The following MPP4 variants were observed in gnomAD, a reference collection of about 807,000 sequenced individuals.
The protein encoded by MPP4 is MAGUK p55 scaffold protein 4, also known as MAGUK p55 subfamily member 4.
A neutral mutation model predicts 98.3 loss-of-function variants in MPP4; 91 were observed. That is an observed-to-expected ratio of 0.93 (90% CI 0.78 to 1.10). The LOEUF (loss-of-function observed/expected upper bound fraction) is 1.10, where lower values mean the gene tolerates loss of function less well. MPP4 is among the 50% of genes least tolerant of loss of function. MPP4 has a pLI of 0.00. For synonymous variants in MPP4, 261 were observed against 271.8 expected, an observed-to-expected ratio of 0.96 and a Z score of 0.39; for missense variants, 744 against 792.9, an observed-to-expected ratio of 0.94 and a Z score of 0.74.
At chr2:201,685,821 G>C in intron 6 of MPP4, 98 bp downstream of exon 6, 1 of 1,430,580 alleles carries the variant, frequency 7.0e-7, no homozygotes, top group Non-Finnish European at 9.6e-7. Context: ...ATATGTGATC[G>C]CAGGCAAGGC....
chr2:201,681,524 G>C lies in MPP4; in HGVS notation c.704C>G (p.Ser235Cys), dbSNP rs374407516. ...CTGCTGGCTATTCACAGGAGGGTCA[G>C]AGACTGGAACCACCTTGAACATGAT... ...GTIMFKVVPV[S>C]DPPVNSQQMV... The change falls in exon 9 of 22, where the codon TCT (serine) becomes TGT (cysteine). Residue 235 changes from serine (S) to cysteine (C), a missense_variant. Transcript: ENST00000409474. 6.0e-5 allele frequency: 97 copies of C among 1,613,748 alleles called. No individual in the cohort carries two copies. Among genetic ancestry groups the C allele is most frequent in the Non-Finnish European group, 7.9e-5 (93 of 1,179,846 alleles).
intron 4 of MPP4, among the ~76,000 whole-genome samples, chr2:201,689,189 G>A (rs1300742238): frequency 3.9e-5 from 6 of 152,130 alleles, no homozygotes; most frequent in Non-Finnish European, 8.8e-5. Flanking sequence ...TTAGCCAGGT[G>A]TAGTGGGTTC....
chr2:201,673,292 C>T (rs974122420), intron 11 of MPP4, among the ~76,000 whole-genome samples: 1 of 152,142 alleles, frequency 6.6e-6, no homozygotes, highest in African/African-American at 2.4e-5. Context: ...AGCTGGAAAC[C>T]ATCATTCCCA....
At chr2:201,651,022 C>T in intron 18 of MPP4, 3 of 985,098 alleles carry the variant, frequency 3.0e-6, no homozygotes, top group Non-Finnish European at 3.6e-6. Flanking sequence ...ATGTTAGGTT[C>T]TGAAAACACA....
rs760363402 is a variant in MPP4, at chr2:201,687,340, G to C, written c.311C>G (p.Ser104Cys). Reference protein sequence around the residue: ...VVELLRETPTSPEIQELRQML... With the variant: ...VVELLRETPTCPEIQELRQML... ...TTGTCTCAGCTCTTGGATCTCAGGG[G>C]AAGTAGGGGTTTCACGTAATAACTC... is the stretch of plus-strand genomic sequence containing the variant. The change falls in exon 5 of 22, where the codon TCC becomes TGC. Residue 104 changes from serine to cysteine, a missense_variant. Coordinates refer to ENST00000409474, the MANE Select transcript of MPP4 (RefSeq NM_033066.3). 1 of 1,585,022 alleles carries C rather than the reference G, an allele frequency of 6.3e-7. No homozygotes were observed. The highest frequency in any genetic ancestry group is 8.6e-7 in the Non-Finnish European group (1 of 1,163,882).
intron 11 of MPP4, among the ~76,000 whole-genome samples, chr2:201,671,945 T>A (rs935460339): frequency 6.6e-6 from 1 of 152,160 alleles, no homozygotes; most frequent in African/African-American, 2.4e-5. Context: ...CAACAGAATA[T>A]ACATTCTTCT....
At chr2:201,656,436 T>A in intron 16 of MPP4, 68 bp from the exon 17 acceptor site, 2 of 1,391,008 alleles carry the variant, frequency 1.4e-6, no homozygotes, top group Non-Finnish European at 1.9e-6. Context: ...TCACACCTGA[T>A]GAAATATGTA....
intron 7 of MPP4, among the ~76,000 whole-genome samples, chr2:201,683,731 G>A (rs2105941143): frequency 6.7e-6 from 1 of 148,912 alleles, no homozygotes; most frequent in South Asian, 2.1e-4. Context: ...CAGCCTAGGT[G>A]ACAGAGTGAG....
rs376026596 is a variant in MPP4, at chr2:201,658,572, A to C, written c.1088-54T>G. 13 of 1,512,784 alleles carry C rather than the reference A, an allele frequency of 8.6e-6. No individual in the cohort carries two copies. In the African/African-American group the frequency reaches 1.3e-4, roughly 15 times the overall value. 93.7% of individuals were successfully genotyped at this position (1,512,784 alleles called of 1,614,324 possible). ...ATATGTGAGAGCGAGAAGTTTATTC[A>C]GAATAAATTCATGAAATCATTTTCA... On this transcript the variant is annotated intron_variant, in intron 15 of 21. Transcript: ENST00000409474.
intron 12 of MPP4, 40 bp downstream of exon 12, chr2:201,669,693 C>T (rs781189588): frequency 2.9e-6 from 4 of 1,359,512 alleles, no homozygotes; most frequent in Non-Finnish European, 3.9e-6. Context: ...TTCTAAAAGA[C>T]TTTGGAGATA....
intron 14 of MPP4, among the ~76,000 whole-genome samples, chr2:201,663,478 G>A (rs758382618): frequency 9.2e-5 from 14 of 152,188 alleles, no homozygotes; most frequent in Non-Finnish European, 1.8e-4. Flanking sequence ...CACTTTGGGA[G>A]GTCAAGGTGG....
At chr2:201,657,515 A>G (rs1171817656) in intron 16 of MPP4, among the ~76,000 whole-genome samples, 1 of 150,580 alleles carries the variant, frequency 6.6e-6, no homozygotes, top group Non-Finnish European at 1.5e-5. Context: ...TCAATCCAAC[A>G]CTACAGGATT....
chr2:201,652,733 C>T (rs1291463639), intron 18 of MPP4, among the ~76,000 whole-genome samples: 2 of 152,208 alleles, frequency 1.3e-5, no homozygotes, highest in Non-Finnish European at 2.9e-5. Context: ...GTATGAGTCA[C>T]TTCTCTTTCC....
At position 201,685,918 on chromosome 2, in the gene MPP4, C is replaced by A. The variant is rs200687573; in HGVS notation, c.492+1G>T. ...GGAAAGATAAAAAATGATTTCCTTA[C>A]CAGGGGCTGTTGGTTTTTCACTAAA... is the stretch of plus-strand genomic sequence containing the variant. On this transcript the variant is annotated splice_donor_variant, in intron 6 of 21. Transcript: ENST00000409474. LOFTEE classifies it high-confidence loss of function. 13 of 1,610,208 alleles carry A rather than the reference C, an allele frequency of 8.1e-6. No individual in the cohort carries two copies. The highest frequency in any genetic ancestry group is 1.3e-5 in the African/African-American group (1 of 74,820).
rs770857733 is a variant in MPP4, at chr2:201,680,883, G to C, written c.884C>G (p.Pro295Arg). ...LWWQARKISD[P>R]ATCAGLVPSN... ...AGGGACAAGCCCAGCGCAGGTAGCA[G>C]GGTCTGAGATTTTTCGGGCCTGCCA... is the stretch of plus-strand genomic sequence containing the variant. The change falls in exon 10 of 22, where the codon CCT becomes CGT. Residue 295 changes from proline (P) to arginine (R), a missense_variant. By Grantham distance (103) the Pro-to-Arg change is moderately radical (BLOSUM62 -2). Coordinates refer to ENST00000409474, the MANE Select transcript of MPP4 (RefSeq NM_033066.3). The C allele has an allele frequency of 1.2e-6, 2 of 1,613,656 alleles. No individual in the cohort carries two copies. Among genetic ancestry groups the C allele is most frequent in the Non-Finnish European group, 1.7e-6 (2 of 1,179,788 alleles).
intron 12 of MPP4, among the ~76,000 whole-genome samples, chr2:201,668,706 C>T (rs1011394504): frequency 9.9e-5 from 15 of 152,248 alleles, no homozygotes; most frequent in African/African-American, 2.2e-4. Context: ...TATCTTGTTA[C>T]GGAAGCTCAA....
chr2:201,693,033 G>T lies in MPP4; in HGVS notation c.80-4C>A, dbSNP rs192977037. Reference sequence around the variant, plus strand: ...AGCCTCAGGATCTGGGAGAGGCCTAGGAAAGGAAGAGAGCAGAGATGGGGT... The same window carrying T: ...AGCCTCAGGATCTGGGAGAGGCCTATGAAAGGAAGAGAGCAGAGATGGGGT... On this transcript the variant is annotated splice_region_variant and splice_polypyrimidine_tract_variant and intron_variant, in intron 2 of 21. Coordinates refer to ENST00000409474, the MANE Select transcript of MPP4 (RefSeq NM_033066.3). 5,428 of 1,610,984 alleles carry T rather than the reference G, an allele frequency of 3.4e-3. 14 individuals are homozygous for T. Among genetic ancestry groups the T allele is most frequent in the Non-Finnish European group, 4.3e-3 (5,071 of 1,178,674 alleles).
chr2:201,682,038 A>G (rs1475963470), intron 8 of MPP4, among the ~76,000 whole-genome samples: 1 of 152,146 alleles, frequency 6.6e-6, no homozygotes. Flanking sequence ...CTTCCAAACT[A>G]ATAGAGGAAA....
rs145990787 is a variant in MPP4, at chr2:201,677,142, C to T, written c.930-1871G>A. On this transcript the variant is annotated intron_variant, in intron 10 of 21. Transcript: ENST00000409474. ...GGTTAATTACCTGGTAGTCTGATCT[C>T]TCTCTATCTCTGTCTCTGTGTCTCT... 3.0e-3 allele frequency among the ~76,000 whole-genome samples: 449 copies of T among 152,124 alleles called. 2 individuals are homozygous for T. Among genetic ancestry groups the T allele is most frequent in the Non-Finnish European group, 4.8e-3 (323 of 67,992 alleles).
Sources: allele counts gnomAD v4.1 joint callset (sites outside exome capture counted in the v4.1 genomes callset), GRCh38; gene constraint gnomAD v4.1.1; transcripts MANE v1.5; gene names NCBI Gene and HGNC (gene_info 2026-07-23, HGNC 2026-07-21).